LRIG1: variants seen among roughly 807,000 people sequenced by gnomAD.
LRIG1 encodes leucine-rich repeats and immunoglobulin-like domains protein 1.
Under a neutral mutation model 99.2 loss-of-function variants are expected in LRIG1, and 48 were observed. The ratio of observed to expected loss-of-function variants is 0.48; its 90% confidence interval spans 0.38 to 0.62. The LOEUF is 0.62. LRIG1 is among the 20% of genes least tolerant of loss of function. The pLI is 0.00. For synonymous variants in LRIG1, 772 were observed against 596.1 expected (o/e 1.29, Z -4.30); for missense variants, 1,646 against 1,434.4 (o/e 1.15, Z -2.38).
intron 1 of LRIG1, among the ~76,000 whole-genome samples, chr3:66,487,698 G>A (rs763330389): frequency 1.3e-5 from 2 of 152,130 alleles, no homozygotes; most frequent in African/African-American, 4.8e-5. Context: ...TCACCAGAAC[G>A]AGACCAAGTG....
At chr3:66,473,090 G>A (rs1700641046) in intron 1 of LRIG1, among the ~76,000 whole-genome samples, 1 of 152,122 alleles carries the variant, frequency 6.6e-6, no homozygotes, top group African/African-American at 2.4e-5. Context: ...GCAATTTTAG[G>A]CAAATACCCT....
In LRIG1 at chr3:66,380,660, C is replaced by T. The variant is rs1700991245; in HGVS notation, c.2972G>A (p.Cys991Tyr). 6.2e-7 allele frequency: 1 copy of T among 1,614,106 alleles called. No homozygotes were observed. Among genetic ancestry groups the T allele is most frequent in the African/African-American group, 1.3e-5 (1 of 74,938 alleles). Residue 991 changes from cysteine to tyrosine, a missense_variant, in exon 18 of 19, where the codon TGC becomes TAC. Transcript: ENST00000273261. ...GTTACTGGGGTAGAGCGACCCTTGGCACTCGGGGCAGGACCCAGCGGCAGT... is the reference window on the plus strand; with the variant it reads ...GTTACTGGGGTAGAGCGACCCTTGGTACTCGGGGCAGGACCCAGCGGCAGT... The part of the protein sequence containing the change: ...SRTAAGSCPE[C>Y]QGSLYPSNHD...
chr3:66,412,958 T>C lies in LRIG1; in HGVS notation c.704A>G (p.Asn235Ser), dbSNP rs1313292609. ...LIEGLTFQGL[N>S]SLEVLKLQRN... ...CTGAAGCTTCAGCACCTCCAAGCTG[T>C]TGAGCCCCTGGAAGGTGAGGCCCTC... The change falls in exon 6 of 19, where the codon AAC becomes AGC. Residue 235 changes from asparagine (N) to serine (S), a missense_variant. Coordinates refer to ENST00000273261, the MANE Select transcript of LRIG1 (RefSeq NM_015541.3). 4 of 1,614,124 alleles carry C rather than the reference T, an allele frequency of 2.5e-6. No individual in the cohort carries two copies. The African/African-American group carries it at 4.0e-5, about 16-fold the overall frequency.
chr3:66,435,507 A>C (rs1314416502), intron 3 of LRIG1, among the ~76,000 whole-genome samples: 1 of 152,222 alleles, frequency 6.6e-6, no homozygotes, highest in Non-Finnish European at 1.5e-5. Flanking sequence ...TAAACCTGGA[A>C]GACTGAGGTT....
intron 12 of LRIG1, among the ~76,000 whole-genome samples, chr3:66,392,975 A>T (rs1208101220): frequency 6.6e-6 from 1 of 152,204 alleles, no homozygotes; most frequent in East Asian, 1.9e-4. Context: ...CCATGTTCGC[A>T]GTGGGTTTAA....
rs1464406903 is a variant in LRIG1, at chr3:66,462,429, G to C, written c.290+9C>G. On this transcript the variant is annotated intron_variant, in intron 2 of 18. Transcript: ENST00000273261. ...CTTCCATCCACCAGAGGTTTAGGGGGAGACTCACACTTCCTGTAGGTTCGG... is the reference window on the plus strand; with the variant it reads ...CTTCCATCCACCAGAGGTTTAGGGGCAGACTCACACTTCCTGTAGGTTCGG... 6.2e-7 allele frequency: 1 copy of C among 1,607,378 alleles called. No individual in the cohort carries two copies. The highest frequency in any genetic ancestry group is 1.7e-5 in the Admixed American group (1 of 59,714).
Position 66,480,793 on chromosome 3 carries a change from G to A in LRIG1, c.219-18284C>T, listed in dbSNP as rs1055095867. Among the ~76,000 whole-genome samples the A allele has an allele frequency of 2.6e-5, 4 of 152,128 alleles. No individual in the cohort carries two copies. The South Asian group carries it at 8.3e-4, about 31-fold the overall frequency. On this transcript the variant is annotated intron_variant, in intron 1 of 18. Coordinates refer to ENST00000273261, the MANE Select transcript of LRIG1 (RefSeq NM_015541.3). ...TTTTCTTCCTTTGAGAAATTATTTA[G>A]CAAGGCTGTGGAAAGCAGGGCTCCC... is the stretch of plus-strand genomic sequence containing the variant.
At chr3:66,414,703 G>A (rs557551408) in intron 5 of LRIG1, among the ~76,000 whole-genome samples, 33 of 152,284 alleles carry the variant, frequency 2.2e-4, no homozygotes, top group African/African-American at 5.5e-4. Context: ...GAAGAAAAGC[G>A]ACCTCAGTGG....
rs755781704 is a variant in LRIG1, at chr3:66,381,516, C to T, written c.2733G>A (p.Met911Ile). The part of the protein sequence containing the change: ...SAYHKEPWKA[M>I]EKAEGTPGPH... ...GCCCAGGTGTCCCTTCAGCTTTCTC[C>T]ATCGCTTTCCACGGCTCTTTGTGAT... Residue 911 changes from methionine (M) to isoleucine (I), a missense_variant, in exon 17 of 19, where the codon ATG (methionine) becomes ATA (isoleucine). By Grantham distance (10) the Met-to-Ile change is conservative (BLOSUM62 1). Coordinates refer to ENST00000273261, the MANE Select transcript of LRIG1 (RefSeq NM_015541.3). The T allele has an allele frequency of 6.2e-7, 1 of 1,614,028 alleles. No homozygotes were observed. Among genetic ancestry groups the T allele is most frequent in the Non-Finnish European group, 8.5e-7 (1 of 1,179,918 alleles).
At chr3:66,480,057 C>A (rs1700812935) in intron 1 of LRIG1, among the ~76,000 whole-genome samples, 1 of 152,174 alleles carries the variant, frequency 6.6e-6, no homozygotes, top group East Asian at 1.9e-4. Flanking sequence ...TGGAAATAAA[C>A]AAAGTGTCCA....
intron 1 of LRIG1, among the ~76,000 whole-genome samples, chr3:66,474,700 C>T (rs1700679534): frequency 6.6e-6 from 1 of 152,136 alleles, no homozygotes; most frequent in South Asian, 2.1e-4. Flanking sequence ...CTGTCCCCTC[C>T]CCAACCATCC....
intron 1 of LRIG1, among the ~76,000 whole-genome samples, chr3:66,468,284 A>G (rs1466861147): frequency 6.6e-6 from 1 of 152,178 alleles, no homozygotes; most frequent in East Asian, 1.9e-4. Flanking sequence ...TTCATCCCCA[A>G]AAGCAAGCAT....
At chr3:66,421,767 C>T (rs1338423322) in intron 3 of LRIG1, among the ~76,000 whole-genome samples, 2 of 152,212 alleles carry the variant, frequency 1.3e-5, no homozygotes, top group African/African-American at 4.8e-5. Context: ...AGACATTCTT[C>T]ATGAGGGCCA....
intron 17 of LRIG1, 59 bp downstream of exon 17, chr3:66,381,420 A>T (rs1040709379): frequency 2.0e-5 from 31 of 1,544,938 alleles, no homozygotes; most frequent in Non-Finnish European, 2.6e-5. Flanking sequence ...TGTAGTGACT[A>T]GGTCAGCCCA....
rs773252829 is a variant in LRIG1 at position 66,383,101 on chromosome 3, G to A, written c.2372C>T (p.Thr791Ile). The A allele has an allele frequency of 1.2e-6, 2 of 1,614,122 alleles. No individual in the cohort carries two copies. The highest frequency in any genetic ancestry group is 2.7e-5 in the African/African-American group (2 of 74,954). The change falls in exon 15 of 19, where the codon ACC becomes ATC. Residue 791 changes from threonine to isoleucine, a missense_variant. Coordinates refer to ENST00000273261, the MANE Select transcript of LRIG1 (RefSeq NM_015541.3). ...LPAAGCRKDG[T>I]TVGIFTIAVV... ...AGCAATGGTGAAGATGCCTACCGTG[G>A]TCCCATCCTTCCTGCAGCCTGCTGC...
chr3:66,446,985 A>G (rs977334120), intron 3 of LRIG1, among the ~76,000 whole-genome samples: 1 of 152,128 alleles, frequency 6.6e-6, no homozygotes, highest in Admixed American at 6.5e-5. Flanking sequence ...ATGTTTTAGC[A>G]TTCTGTAGTG....
At chr3:66,470,639 G>C (rs1001013313) in intron 1 of LRIG1, among the ~76,000 whole-genome samples, 2 of 152,116 alleles carry the variant, frequency 1.3e-5, no homozygotes, top group African/African-American at 2.4e-5. Flanking sequence ...GGTCCCTCAC[G>C]AACATTAATC....
chr3:66,419,683 G>T (rs1177844046), intron 3 of LRIG1, among the ~76,000 whole-genome samples: 1 of 152,108 alleles, frequency 6.6e-6, no homozygotes, highest in African/African-American at 2.4e-5. Flanking sequence ...AGTGGGCCAG[G>T]AGAGAGATGG....
chr3:66,415,653 G>T (rs1219028393), intron 4 of LRIG1, among the ~76,000 whole-genome samples: 2 of 152,144 alleles, frequency 1.3e-5, no homozygotes, highest in African/African-American at 2.4e-5. Flanking sequence ...ATATGTCATG[G>T]TACCTACACT....
Sources: gnomAD v4.1 joint callset for allele counts (sites outside exome capture counted in the v4.1 genomes callset) on GRCh38, gnomAD v4.1.1 for gene constraint, MANE v1.5 for transcripts, NCBI Gene and HGNC (gene_info 2026-07-23, HGNC 2026-07-21) for gene names.